ACSM3: variants seen among roughly 807,000 people sequenced by gnomAD.
ACSM3 encodes the protein acyl-CoA synthetase medium chain family member 3, also known as acyl-coenzyme A synthetase ACSM3, mitochondrial.
In ACSM3, 61 loss-of-function variants were observed where a neutral mutation model predicts 74.1. That is an observed-to-expected ratio of 0.82 (90% CI 0.67 to 1.02). The LOEUF (loss-of-function observed/expected upper bound fraction) is 1.02, where lower values mean the gene tolerates loss of function less well. Among genes scored for constraint, ACSM3 ranks in the 50% least tolerant of loss-of-function variants. The probability of loss-of-function intolerance (pLI) is 0.00; values close to 1 mark genes in which losing one functional copy is unlikely to be tolerated. For synonymous variants in ACSM3, 213 were observed against 241.5 expected (o/e 0.88, Z 1.09); for missense variants, 660 against 697.0 (o/e 0.95, Z 0.60).
rs112672659 is a variant in ACSM3, at chr16:20,739,039, A to G, written c.-189-10871A>G. The G allele has an allele frequency of 7.8e-5, 126 of 1,614,072 alleles. No homozygotes were observed. In the African/African-American group the frequency reaches 1.4e-3, roughly 18 times the overall value. ...CCTCCGCATCATCATCCTCTCCCTCACTTCCAGAGGGCTGCTGATCCTTGT... is the reference window on the plus strand; with the variant it reads ...CCTCCGCATCATCATCCTCTCCCTCGCTTCCAGAGGGCTGCTGATCCTTGT... On this transcript the variant is annotated intron_variant, in intron 1 of 3. Coordinates refer to the ACSM3 transcript ENST00000561584.
Position 20,738,858 on chromosome 16 carries a change from T to C in ACSM3, c.-189-11052T>C, listed in dbSNP as rs374741708. On this transcript the variant is annotated intron_variant, in intron 1 of 3. Coordinates refer to the ACSM3 transcript ENST00000561584. Reference sequence around the variant, plus strand: ...TCCCTGAGACAGGAAGATACCCAGATGTTATGAGATCGATAATCTTAGCAA... The same window carrying C: ...TCCCTGAGACAGGAAGATACCCAGACGTTATGAGATCGATAATCTTAGCAA... 205 of 1,605,032 alleles carry C rather than the reference T, an allele frequency of 1.3e-4. No homozygotes were observed. In the African/African-American group the frequency reaches 2.4e-3, roughly 19 times the overall value.
At chr16:20,779,822 A>C (rs375798927) in intron 4 of ACSM3, 50 of 171,758 alleles carry the variant, frequency 2.9e-4, no homozygotes, top group African/African-American at 1.2e-3. Context: ...CCCAGGCTGG[A>C]GTACGGTGGC....
chr16:20,789,215 G>A (rs991042721), intron 9 of ACSM3, among the ~76,000 whole-genome samples: 1 of 152,168 alleles, frequency 6.6e-6, no homozygotes, highest in African/African-American at 2.4e-5. Context: ...GATCTGGAGT[G>A]TAAGTGGTGA....
chr16:20,688,119 G>A (rs1324667320), intron 1 of ACSM3, among the ~76,000 whole-genome samples: 1 of 151,398 alleles, frequency 6.6e-6, no homozygotes, highest in Non-Finnish European at 1.5e-5. Context: ...AACAATATTT[G>A]GAGCTGAAAA....
intron 1 of ACSM3, chr16:20,691,214 C>T: frequency 6.5e-7 from 1 of 1,530,102 alleles, no homozygotes; most frequent in African/African-American, 1.4e-5. Context: ...AGAAACCAGG[C>T]ACAGAGTTCT....
intron 2 of ACSM3, among the ~76,000 whole-genome samples, chr16:20,771,719 T>C (rs957162373): frequency 1.3e-5 from 2 of 152,224 alleles, no homozygotes; most frequent in African/African-American, 4.8e-5. Flanking sequence ...ATCTCTTCAA[T>C]AGACTGATTT....
At chr16:20,749,504 CCTGTGAAGGTGAGAGGTGGTT>C (rs1417459448) in intron 1 of ACSM3, 1 of 152,132 alleles carries the variant, frequency 6.6e-6, no homozygotes, top group East Asian at 1.9e-4. Flanking sequence ...AAGGGAATCC[CCTGTGAAGGTGAGAGGTGGTT>C]CTAAGAAGAG....
At chr16:20,698,213 C>G (rs200626541) in intron 1 of ACSM3, among the ~76,000 whole-genome samples, 6 of 148,090 alleles carry the variant, frequency 4.1e-5, no homozygotes, top group Non-Finnish European at 7.5e-5. Context: ...AAAAGAAAAA[C>G]AAACCACGTA....
intron 1 of ACSM3, among the ~76,000 whole-genome samples, chr16:20,675,199 G>T (rs2020198560): frequency 6.6e-6 from 1 of 152,102 alleles, no homozygotes; most frequent in Non-Finnish European, 1.5e-5. Flanking sequence ...ATCTAACTAG[G>T]CTCACCCGGG....
At chr16:20,794,421 A>G (rs2152490857) in intron 12 of ACSM3, among the ~76,000 whole-genome samples, 1 of 152,300 alleles carries the variant, frequency 6.6e-6, no homozygotes, top group South Asian at 2.1e-4. Context: ...ATCCAATGCG[A>G]TAGCCATGCA....
At chr16:20,780,540 A>G (rs910779608) in intron 4 of ACSM3, 174 bp from the exon 5 acceptor site, 1 of 1,337,770 alleles carries the variant, frequency 7.5e-7, no homozygotes, top group African/African-American at 1.5e-5. Context: ...GATTCTAGAA[A>G]GCACCTAAAA....
intron 1 of ACSM3, among the ~76,000 whole-genome samples, chr16:20,723,299 T>A (rs1015685250): frequency 6.6e-6 from 1 of 152,058 alleles, no homozygotes; most frequent in Non-Finnish European, 1.5e-5. Context: ...GACATTTGGG[T>A]TGGTTCCAAG....
chr16:20,705,220 C>T lies in ACSM3; in HGVS notation c.-190+30398C>T, dbSNP rs540764107. 2.6e-5 allele frequency among the ~76,000 whole-genome samples: 4 copies of T among 151,942 alleles called. No individual in the cohort carries two copies. The South Asian group carries it at 8.3e-4, about 32-fold the overall frequency. On this transcript the variant is annotated intron_variant, in intron 1 of 3. Coordinates refer to the ACSM3 transcript ENST00000561584. The stretch of plus-strand genomic sequence containing the variant: ...ACCCCGTCTCTACTGAAAATACAAA[C>T]AAATTAGCCAGGCGTAGTGGTGGGC...
At chr16:20,697,966 G>A (rs547958818) in intron 1 of ACSM3, among the ~76,000 whole-genome samples, 3 of 152,024 alleles carry the variant, frequency 2.0e-5, no homozygotes, top group Non-Finnish European at 4.4e-5. Context: ...AGGCCGAGGC[G>A]GGCGGATCAC....
At chr16:20,751,995 T>C (rs2079992151) in intron 2 of ACSM3, among the ~76,000 whole-genome samples, 1 of 152,084 alleles carries the variant, frequency 6.6e-6, no homozygotes. Flanking sequence ...AAAATGGATA[T>C]ATAGTACTAC....
intron 1 of ACSM3, among the ~76,000 whole-genome samples, chr16:20,675,866 G>A (rs796383189): frequency 7.2e-5 from 11 of 152,246 alleles, no homozygotes; most frequent in African/African-American, 2.2e-4. Context: ...CTGCGCTGGC[G>A]GCTACGGAGT....
At chr16:20,707,361 C>G (rs899113326) in intron 1 of ACSM3, among the ~76,000 whole-genome samples, 1 of 152,188 alleles carries the variant, frequency 6.6e-6, no homozygotes, top group African/African-American at 2.4e-5. Flanking sequence ...TTGGTTTCCG[C>G]CCCTCTCAGC....
intron 1 of ACSM3, among the ~76,000 whole-genome samples, chr16:20,677,543 C>T (rs76742930): frequency 2.0e-4 from 31 of 152,302 alleles, no homozygotes; most frequent in South Asian, 1.9e-3. Flanking sequence ...CAGGAGACCC[C>T]CTTCATTGCT....
intron 1 of ACSM3, among the ~76,000 whole-genome samples, chr16:20,745,568 A>G (rs535147510): frequency 6.9e-6 from 1 of 144,344 alleles, no homozygotes; most frequent in East Asian, 2.1e-4. Flanking sequence ...GGCAAAATAG[A>G]CTCTGTCTCA....
Sources: allele counts gnomAD v4.1 joint callset (sites outside exome capture counted in the v4.1 genomes callset), GRCh38; gene constraint gnomAD v4.1.1; transcripts MANE v1.5; gene names NCBI Gene and HGNC (gene_info 2026-07-23, HGNC 2026-07-21).